The following CALN1 variants were observed in gnomAD, a reference collection of about 807,000 sequenced individuals.
CALN1 encodes the protein calneuron 1.
CALN1 carries 17 observed loss-of-function variants against 30.6 expected under a neutral mutation model. That is an observed-to-expected ratio of 0.56 (90% CI 0.38 to 0.83). CALN1 has a LOEUF of 0.83. Ranked by LOEUF, CALN1 falls within the 40% of genes least tolerant of loss-of-function variation. The probability of loss-of-function intolerance (pLI) is 0.00; values close to 1 mark genes in which losing one functional copy is unlikely to be tolerated. For synonymous variants in CALN1, 156 were observed against 131.4 expected (o/e 1.19, Z -1.28); for missense variants, 291 against 354.9 (o/e 0.82, Z 1.45).
In CALN1 at chr7:72,048,538, A is replaced by G. The variant is rs527417506; in HGVS notation, c.389-24769T>C. Among the ~76,000 whole-genome samples the G allele has an allele frequency of 3.3e-5, 5 of 152,298 alleles. No homozygotes were observed. In the South Asian group the frequency reaches 1.0e-3, roughly 32 times the overall value. ...GAAATCTGCATGATATGAACTTTTT[A>G]CTTATACACTTAGACTTCATATACT... On this transcript the variant is annotated intron_variant, in intron 4 of 6. Transcript: ENST00000395275.
intron 5 of CALN1, among the ~76,000 whole-genome samples, chr7:71,844,186 A>G (rs959971451): frequency 6.6e-6 from 1 of 152,190 alleles, no homozygotes; most frequent in Non-Finnish European, 1.5e-5. Context: ...CTGAAGCCTC[A>G]TTCTTGGGAA....
intron 4 of CALN1, among the ~76,000 whole-genome samples, chr7:72,033,538 C>G (rs773183408): frequency 6.6e-6 from 1 of 152,106 alleles, no homozygotes; most frequent in Non-Finnish European, 1.5e-5. Flanking sequence ...AGGGTCCAGA[C>G]AGGTCATTTT....
chr7:71,787,490 T>G lies in CALN1; in HGVS notation c.*285A>C. On this transcript the variant is annotated 3_prime_UTR_variant, in exon 7 of 7. Coordinates refer to ENST00000395275, the MANE Select transcript of CALN1 (RefSeq NM_031468.4). ...ATGAAGATGAAGTTTTTCTCTAGAG[T>G]TATGACTGATGGTTGAAGCAATAAT... 1 of 341,250 alleles carries G rather than the reference T, an allele frequency of 2.9e-6. No individual in the cohort carries two copies. The highest frequency in any genetic ancestry group is 5.5e-5 in the East Asian group (1 of 18,240). The allele number at this position is 341,250 out of a possible 1,614,324, so 21.1% of individuals were successfully genotyped here.
intron 3 of CALN1, among the ~76,000 whole-genome samples, chr7:72,229,868 C>A (rs1026598072): frequency 6.6e-6 from 1 of 151,772 alleles, no homozygotes; most frequent in Middle Eastern, 3.2e-3. Flanking sequence ...AGGGGCCGGG[C>A]ACAGTGGCTC....
intron 4 of CALN1, among the ~76,000 whole-genome samples, chr7:72,049,291 T>TG (rs1802683331): frequency 1.3e-5 from 2 of 151,930 alleles, no homozygotes; most frequent in Non-Finnish European, 2.9e-5. Context: ...ACACAGAAAT[T>TG]GGAGACTTGA....
intron 5 of CALN1, among the ~76,000 whole-genome samples, chr7:71,863,557 C>CAAAAAAAAAA (rs71531769): frequency 1.9e-4 from 6 of 32,216 alleles, no homozygotes; most frequent in African/African-American, 2.0e-4. Flanking sequence ...AACTCCATCT[C>CAAAAAAAAAA]AAAAAAAAAA....
chr7:72,123,501 T>C (rs1352228325), intron 3 of CALN1, among the ~76,000 whole-genome samples: 3 of 152,224 alleles, frequency 2.0e-5, no homozygotes, highest in Non-Finnish European at 4.4e-5. Context: ...GTCTTGTTTC[T>C]AATTTGCTTG....
chr7:72,138,639 C>CTGCCA (rs1554451745), intron 3 of CALN1, among the ~76,000 whole-genome samples: 1 of 152,178 alleles, frequency 6.6e-6, no homozygotes, highest in African/African-American at 2.4e-5. Context: ...AAGAGGCTGC[C>CTGCCA]TGCCATCCCA....
At chr7:72,116,577 T>C (rs966580418) in intron 3 of CALN1, among the ~76,000 whole-genome samples, 6 of 152,166 alleles carry the variant, frequency 3.9e-5, no homozygotes, top group Non-Finnish European at 7.3e-5. Flanking sequence ...GGGCTTCTCC[T>C]GGATGGCGCC....
chr7:72,003,871 C>T (rs764124292), intron 5 of CALN1, among the ~76,000 whole-genome samples: 3 of 152,180 alleles, frequency 2.0e-5, no homozygotes, highest in African/African-American at 7.2e-5. Flanking sequence ...TTGTCTTCCA[C>T]GAAACCAGTC....
At chr7:72,334,718 A>C (rs7812018) in intron 2 of CALN1, among the ~76,000 whole-genome samples, 2,199 of 152,326 alleles carry the variant, frequency 0.014, 23 homozygotes, top group African/African-American at 0.026. Flanking sequence ...GAACAATTCT[A>C]AGAGGATTTA....
At chr7:71,814,320 A>C (rs1301022255) in intron 5 of CALN1, among the ~76,000 whole-genome samples, 3 of 152,066 alleles carry the variant, frequency 2.0e-5, no homozygotes, top group Non-Finnish European at 4.4e-5. Flanking sequence ...GTGAGGGGTA[A>C]TTTGACTTTT....
At chr7:72,296,638 G>GT (rs1798884102) in intron 2 of CALN1, among the ~76,000 whole-genome samples, 1 of 141,346 alleles carries the variant, frequency 7.1e-6, no homozygotes, top group South Asian at 2.4e-4. Flanking sequence ...AGATTTTCTA[G>GT]TTTATTTGCG....
At chr7:72,364,687 G>C (rs1418446073) in intron 2 of CALN1, among the ~76,000 whole-genome samples, 2 of 152,142 alleles carry the variant, frequency 1.3e-5, no homozygotes, top group Non-Finnish European at 2.9e-5. Context: ...AATTAGAAAA[G>C]AAACAACAGT....
At chr7:72,371,880 A>G (rs1308051319) in intron 2 of CALN1, among the ~76,000 whole-genome samples, 2 of 152,190 alleles carry the variant, frequency 1.3e-5, no homozygotes, top group Non-Finnish European at 2.9e-5. Flanking sequence ...TGCAGTGATA[A>G]AATCAGGGCA....
chr7:71,851,825 T>C (rs190578595), intron 5 of CALN1, among the ~76,000 whole-genome samples: 6 of 151,986 alleles, frequency 3.9e-5, no homozygotes, highest in African/African-American at 9.7e-5. Context: ...AACAAACAAA[T>C]GTGTCTGTGA....
intron 5 of CALN1, among the ~76,000 whole-genome samples, chr7:71,965,328 G>A (rs775310261): frequency 6.6e-5 from 10 of 152,156 alleles, no homozygotes; most frequent in Non-Finnish European, 1.3e-4. Context: ...ACCATGCCCA[G>A]CCTCACTTTT....
At position 72,368,640 on chromosome 7, in the gene CALN1, C is replaced by G. The variant is rs60100251; in HGVS notation, c.119+34611G>C. On this transcript the variant is annotated intron_variant, in intron 2 of 6. Transcript: ENST00000395275. Reference sequence around the variant, plus strand: ...TGAGCTACAAAACCATCAGATCATACGGAGGTCATCTGAAAGTGATTGATA... The same window carrying G: ...TGAGCTACAAAACCATCAGATCATAGGGAGGTCATCTGAAAGTGATTGATA... Among the ~76,000 whole-genome samples the G allele has an allele frequency of 4.6e-5, 7 of 151,836 alleles. No individual in the cohort carries two copies. The South Asian group carries it at 6.3e-4, about 14-fold the overall frequency.
At chr7:71,890,248 G>A (rs1422736229) in intron 5 of CALN1, among the ~76,000 whole-genome samples, 2 of 152,164 alleles carry the variant, frequency 1.3e-5, no homozygotes, top group Admixed American at 6.5e-5. Flanking sequence ...GGGACTACAG[G>A]TATGCTACTG....
Sources: gnomAD v4.1 joint callset for allele counts (sites outside exome capture counted in the v4.1 genomes callset) on GRCh38, gnomAD v4.1.1 for gene constraint, MANE v1.5 for transcripts, NCBI Gene and HGNC (gene_info 2026-07-23, HGNC 2026-07-21) for gene names.